The following CNTNAP5 variants were observed in gnomAD, a reference collection of about 807,000 sequenced individuals.
CNTNAP5 encodes contactin-associated protein-like 5.
Under a neutral mutation model 150.2 loss-of-function variants are expected in CNTNAP5, and 72 were observed. The ratio of observed to expected loss-of-function variants is 0.48; its 90% CI spans 0.40 to 0.58. The LOEUF is 0.58. CNTNAP5 is among the 20% of genes least tolerant of loss of function. CNTNAP5 has a pLI of 0.00. For missense variants in CNTNAP5, 1,636 were observed against 1,626.2 expected, an observed-to-expected ratio of 1.01 and a Z score of -0.10; for synonymous variants, 672 against 619.8, an observed-to-expected ratio of 1.08 and a Z score of -1.25.
At chr2:124,224,004 A>G (rs1686395607) in intron 2 of CNTNAP5, among the ~76,000 whole-genome samples, 1 of 151,918 alleles carries the variant, frequency 6.6e-6, no homozygotes, top group Admixed American at 6.6e-5. Context: ...GCTCAGGGAG[A>G]TACGGTATCA....
At chr2:124,129,009 A>G (rs1318853889) in intron 1 of CNTNAP5, among the ~76,000 whole-genome samples, 1 of 152,102 alleles carries the variant, frequency 6.6e-6, no homozygotes, top group Non-Finnish European at 1.5e-5. Context: ...ATGTATACAT[A>G]TGTAACAAAC....
intron 1 of CNTNAP5, among the ~76,000 whole-genome samples, chr2:124,081,187 C>T (rs1169749143): frequency 6.6e-6 from 1 of 151,414 alleles, no homozygotes; most frequent in Non-Finnish European, 1.5e-5. Flanking sequence ...TTCTAATACA[C>T]ACTTAAATGA....
intron 3 of CNTNAP5, among the ~76,000 whole-genome samples, chr2:124,275,989 G>T (rs548832697): frequency 6.6e-6 from 1 of 152,214 alleles, no homozygotes; most frequent in South Asian, 2.1e-4. Context: ...AAGTGAAAGG[G>T]TTTTTTGTTG....
chr2:124,685,566 G>A (rs998282373), intron 13 of CNTNAP5, among the ~76,000 whole-genome samples: 4 of 152,086 alleles, frequency 2.6e-5, no homozygotes, highest in Non-Finnish European at 5.9e-5. Flanking sequence ...GCAGTTTTAT[G>A]GTGCTCAATC....
chr2:124,795,040 A>T (rs185106484), intron 18 of CNTNAP5, among the ~76,000 whole-genome samples: 1 of 152,324 alleles, frequency 6.6e-6, no homozygotes, highest in East Asian at 1.9e-4. Flanking sequence ...TAGACTATTC[A>T]TTACCCAGGA....
At chr2:124,427,983 A>G (rs572962794) in intron 4 of CNTNAP5, among the ~76,000 whole-genome samples, 64 of 152,184 alleles carry the variant, frequency 4.2e-4, no homozygotes. Flanking sequence ...TACATTCTGT[A>G]TTTCTAACAA....
intron 1 of CNTNAP5, among the ~76,000 whole-genome samples, chr2:124,105,505 T>C (rs1040060262): frequency 1.3e-5 from 2 of 152,216 alleles, no homozygotes; most frequent in African/African-American, 4.8e-5. Context: ...TAAATACTGC[T>C]TATTAATTTT....
At chr2:124,149,862 A>G (rs1003968999) in intron 1 of CNTNAP5, among the ~76,000 whole-genome samples, 1 of 152,238 alleles carries the variant, frequency 6.6e-6, no homozygotes, top group African/African-American at 2.4e-5. Context: ...GCATCCGTGA[A>G]CAGTGCAGAA....
At chr2:124,091,761 T>C (rs983038834) in intron 1 of CNTNAP5, among the ~76,000 whole-genome samples, 3 of 152,118 alleles carry the variant, frequency 2.0e-5, no homozygotes, top group African/African-American at 7.2e-5. Context: ...AGGTCAGAGG[T>C]CCTCAATCCA....
chr2:124,621,366 T>A (rs928565229), intron 12 of CNTNAP5, among the ~76,000 whole-genome samples: 1 of 152,186 alleles, frequency 6.6e-6, no homozygotes, highest in African/African-American at 2.4e-5. Flanking sequence ...TTTAGTCAAA[T>A]CTCTAAAGCG....
chr2:124,748,964 T>C (rs1680664292), intron 14 of CNTNAP5, among the ~76,000 whole-genome samples: 1 of 152,190 alleles, frequency 6.6e-6, no homozygotes. Context: ...TGCGGATGCC[T>C]ACAAACCAAC....
intron 19 of CNTNAP5, among the ~76,000 whole-genome samples, chr2:124,800,880 A>G (rs1271197790): frequency 2.0e-5 from 3 of 152,188 alleles, no homozygotes; most frequent in Non-Finnish European, 4.4e-5. Context: ...CCTGTGACAC[A>G]GTCCTCAGGA....
At chr2:124,784,508 C>A (rs1270936313) in intron 17 of CNTNAP5, among the ~76,000 whole-genome samples, 1 of 152,136 alleles carries the variant, frequency 6.6e-6, no homozygotes, top group Non-Finnish European at 1.5e-5. Context: ...CACTTGATAC[C>A]AAGGGCCAAC....
intron 5 of CNTNAP5, among the ~76,000 whole-genome samples, chr2:124,441,884 G>A: frequency 6.6e-6 from 1 of 151,576 alleles, no homozygotes; most frequent in East Asian, 1.9e-4. Flanking sequence ...TATGTACTAA[G>A]TAAATGAACA....
rs1158126602 is a variant in CNTNAP5, at chr2:124,221,702, T to G, written c.83-3T>G. 1 of 1,592,138 alleles carries G rather than the reference T, an allele frequency of 6.3e-7. No individual in the cohort carries two copies. The highest frequency in any genetic ancestry group is 8.6e-7 in the Non-Finnish European group (1 of 1,162,064). ...CTCTCCCTCTGTCCTCCTATCATTA[T>G]AGACAACTGTGATGATCCACTAGCA... On this transcript the variant is annotated splice_region_variant and splice_polypyrimidine_tract_variant and intron_variant, in intron 1 of 23. Transcript: ENST00000682447.
intron 1 of CNTNAP5, among the ~76,000 whole-genome samples, chr2:124,166,491 C>T (rs1684812700): frequency 6.6e-6 from 1 of 152,150 alleles, no homozygotes; most frequent in South Asian, 2.1e-4. Context: ...GTCAGATCAG[C>T]TTAGACTAGT....
At chr2:124,255,524 AAAAATAAAAT>A (rs202068928) in intron 3 of CNTNAP5, among the ~76,000 whole-genome samples, 28,267 of 131,912 alleles carry the variant, frequency 0.21, 3,391 homozygotes, top group Non-Finnish European at 0.24. Context: ...ACTCTGTCTC[AAAAATAAAAT>A]AAAATAAAAT....
At chr2:124,539,260 T>A (rs1695320732) in intron 10 of CNTNAP5, among the ~76,000 whole-genome samples, 1 of 152,236 alleles carries the variant, frequency 6.6e-6, no homozygotes, top group Non-Finnish European at 1.5e-5. Context: ...AGGAAGTTCA[T>A]AGAATTCCAA....
chr2:124,332,006 AATTG>A (rs1689360791), intron 3 of CNTNAP5, among the ~76,000 whole-genome samples: 1 of 151,882 alleles, frequency 6.6e-6, no homozygotes, highest in African/African-American at 2.4e-5. Flanking sequence ...AATCTTTGTC[AATTG>A]ATTACACATA....
Sources: gnomAD v4.1 joint callset for allele counts (sites outside exome capture counted in the v4.1 genomes callset) on GRCh38, gnomAD v4.1.1 for gene constraint, MANE v1.5 for transcripts, NCBI Gene and HGNC (gene_info 2026-07-23, HGNC 2026-07-21) for gene names.